The following SORCS1 variants were observed in gnomAD, a reference collection of about 807,000 sequenced individuals.
The protein encoded by SORCS1 is sortilin related VPS10 domain containing receptor 1, also known as VPS10 domain-containing receptor SorCS1.
A neutral mutation model predicts 146.1 loss-of-function variants in SORCS1; 60 were observed. That is an observed-to-expected ratio of 0.41 (90% CI 0.33 to 0.51). SORCS1 has a LOEUF of 0.51. Ranked by LOEUF, SORCS1 falls within the 20% of genes least tolerant of loss-of-function variation. The pLI is 0.21. For missense variants in SORCS1, 1,352 were observed against 1,487.6 expected (o/e 0.91, Z 1.50); for synonymous variants, 637 against 584.0 (o/e 1.09, Z -1.31).
chr10:106,989,876 CG>C (rs1276436093), intron 1 of SORCS1, among the ~76,000 whole-genome samples: 4 of 151,518 alleles, frequency 2.6e-5, no homozygotes, highest in Admixed American at 1.3e-4. Flanking sequence ...TTAGTACAGA[CG>C]GGGTTTAACC....
At chr10:106,932,433 ATTTAAC>A (rs967195226) in intron 2 of SORCS1, among the ~76,000 whole-genome samples, 3 of 152,114 alleles carry the variant, frequency 2.0e-5, no homozygotes, top group Admixed American at 6.6e-5. Context: ...TTAAGTTGTT[ATTTAAC>A]TTTGTCACTG....
At chr10:106,831,219 A>C (rs2137023887) in intron 2 of SORCS1, among the ~76,000 whole-genome samples, 1 of 152,238 alleles carries the variant, frequency 6.6e-6, no homozygotes, top group South Asian at 2.1e-4. Context: ...ATAAATAAAT[A>C]AATAAAAAGG....
intron 1 of SORCS1, among the ~76,000 whole-genome samples, chr10:107,054,967 A>C (rs1288135039): frequency 6.6e-6 from 1 of 152,226 alleles, no homozygotes; most frequent in Non-Finnish European, 1.5e-5. Context: ...ATTAGAACTT[A>C]GAAGAGCCCA....
At chr10:106,725,003 G>C (rs1856046913) in intron 6 of SORCS1, among the ~76,000 whole-genome samples, 1 of 152,202 alleles carries the variant, frequency 6.6e-6, no homozygotes, top group Admixed American at 6.5e-5. Context: ...AGCCAGGTGT[G>C]GTGGTAGGTG....
rs185995505 is a variant in SORCS1, at chr10:106,903,792, G to T, written c.626+52721C>A. 7.2e-5 allele frequency among the ~76,000 whole-genome samples: 11 copies of T among 152,290 alleles called. No individual in the cohort carries two copies. The East Asian group carries it at 1.9e-3, about 27-fold the overall frequency. On this transcript the variant is annotated intron_variant, in intron 2 of 25. Transcript: ENST00000263054. ...TTTTCTTTCTGCTTTGGTTGGTTCT[G>T]CTTTAGGTACTAGTCTGTAGATATT...
At chr10:106,786,142 T>C (rs961288884) in intron 3 of SORCS1, among the ~76,000 whole-genome samples, 3 of 152,204 alleles carry the variant, frequency 2.0e-5, no homozygotes, top group Non-Finnish European at 2.9e-5. Flanking sequence ...CATAGTATAC[T>C]AAAGAGAAAA....
At position 106,667,675 on chromosome 10, in the gene SORCS1, C is replaced by T; in HGVS notation, c.2303+14G>A. The T allele has an allele frequency of 1.2e-6, 2 of 1,603,500 alleles. No individual in the cohort carries two copies. The highest frequency in any genetic ancestry group is 1.1e-5 in the South Asian group (1 of 90,332). On this transcript the variant is annotated intron_variant, in intron 17 of 25. Coordinates refer to ENST00000263054, the MANE Select transcript of SORCS1 (RefSeq NM_052918.5). The stretch of plus-strand genomic sequence containing the variant: ...AAAGGTTGGCCTCTCAAGGTCACTA[C>T]TCCAGACACTTACCCAGTACTATTG...
chr10:107,089,303 A>T (rs545106675), intron 1 of SORCS1, among the ~76,000 whole-genome samples: 4 of 152,360 alleles, frequency 2.6e-5, no homozygotes, highest in African/African-American at 9.6e-5. Flanking sequence ...TGAACTAAAA[A>T]CTGTTTATGG....
intron 2 of SORCS1, among the ~76,000 whole-genome samples, chr10:106,932,235 T>A (rs550833602): frequency 2.0e-5 from 3 of 152,334 alleles, no homozygotes; most frequent in Admixed American, 6.5e-5. Context: ...GAGAATTACA[T>A]GATTTTTTTG....
chr10:106,988,683 A>G (rs4918276), intron 1 of SORCS1, among the ~76,000 whole-genome samples: 33,601 of 152,024 alleles, frequency 0.22, 4,466 homozygotes, highest in Middle Eastern at 0.33. Flanking sequence ...AAATGCATTA[A>G]TATTTAACAC....
intron 5 of SORCS1, among the ~76,000 whole-genome samples, chr10:106,742,214 T>C (rs1857413904): frequency 6.6e-6 from 1 of 152,198 alleles, no homozygotes; most frequent in Non-Finnish European, 1.5e-5. Context: ...GAGTATCCCT[T>C]ATCTGAAGTA....
intron 1 of SORCS1, among the ~76,000 whole-genome samples, chr10:106,987,363 T>G (rs1209518823): frequency 6.6e-6 from 1 of 152,224 alleles, no homozygotes; most frequent in Non-Finnish European, 1.5e-5. Flanking sequence ...TCTCAGCTCT[T>G]TCAGTCTTGA....
At chr10:106,608,692 C>T (rs904472459) in intron 22 of SORCS1, among the ~76,000 whole-genome samples, 6 of 152,168 alleles carry the variant, frequency 3.9e-5, no homozygotes, top group Admixed American at 3.3e-4. Flanking sequence ...ATATCATATG[C>T]TGGGGTCCTC....
At chr10:106,667,603 C>T in intron 17 of SORCS1, 86 bp downstream of exon 17, 1 of 885,336 alleles carries the variant, frequency 1.1e-6, no homozygotes, top group Non-Finnish European at 1.8e-6. Flanking sequence ...ATGCTTGGTC[C>T]TTGATCAGAA....
chr10:106,669,430 C>T (rs1231204077), intron 16 of SORCS1, among the ~76,000 whole-genome samples: 1 of 151,696 alleles, frequency 6.6e-6, no homozygotes, highest in African/African-American at 2.4e-5. Context: ...ATGGCTGTTT[C>T]TTAAGGCAAA....
intron 3 of SORCS1, among the ~76,000 whole-genome samples, chr10:106,791,618 G>C (rs774412467): frequency 2.0e-5 from 3 of 152,128 alleles, no homozygotes; most frequent in Non-Finnish European, 2.9e-5. Context: ...AGAATCGCTT[G>C]AACCCAGGAG....
At chr10:106,981,721 G>C (rs530678437) in intron 1 of SORCS1, among the ~76,000 whole-genome samples, 1 of 152,206 alleles carries the variant, frequency 6.6e-6, no homozygotes, top group African/African-American at 2.4e-5. Flanking sequence ...GCCGTGCTCA[G>C]GAAAATAACC....
chr10:106,810,573 C>G (rs1441221008), intron 3 of SORCS1, among the ~76,000 whole-genome samples: 1 of 152,164 alleles, frequency 6.6e-6, no homozygotes, highest in Non-Finnish European at 1.5e-5. Context: ...CCAAGAAGCT[C>G]CCCTCCCTGG....
chr10:106,971,948 G>A (rs1796235914), intron 1 of SORCS1, among the ~76,000 whole-genome samples: 1 of 152,142 alleles, frequency 6.6e-6, no homozygotes, highest in Admixed American at 6.5e-5. Flanking sequence ...TATGGTGGCA[G>A]GGTGAGGGCT....
Sources: gnomAD v4.1 joint callset for allele counts (sites outside exome capture counted in the v4.1 genomes callset) on GRCh38, gnomAD v4.1.1 for gene constraint, MANE v1.5 for transcripts, NCBI Gene and HGNC (gene_info 2026-07-23, HGNC 2026-07-21) for gene names.